Variants in PLCXD3 observed in about 807,000 individuals in gnomAD.
PLCXD3 encodes phosphatidylinositol specific phospholipase C X domain containing 3.
A neutral mutation model predicts 25.5 loss-of-function variants in PLCXD3; 19 were observed. That is an observed-to-expected ratio of 0.75 (90% confidence interval 0.52 to 1.09). The LOEUF is 1.09. PLCXD3 is among the 50% of genes least tolerant of loss of function. The pLI is 0.00. For synonymous variants in PLCXD3, 174 were observed against 137.6 expected, an observed-to-expected ratio of 1.26 and a Z score of -1.85; for missense variants, 411 against 388.1, an observed-to-expected ratio of 1.06 and a Z score of -0.50.
chr5:41,326,589 A>AT (rs1743634234), intron 2 of PLCXD3, among the ~76,000 whole-genome samples: 2 of 151,812 alleles, frequency 1.3e-5, no homozygotes, highest in Admixed American at 6.6e-5. Context: ...ATGCTTATGT[A>AT]TTTTTTTCAG....
At chr5:41,422,956 C>T (rs1178258606) in intron 1 of PLCXD3, among the ~76,000 whole-genome samples, 1 of 152,010 alleles carries the variant, frequency 6.6e-6, no homozygotes, top group Non-Finnish European at 1.5e-5. Context: ...TATACTTTAT[C>T]AGCTTAAGGA....
intron 1 of PLCXD3, among the ~76,000 whole-genome samples, chr5:41,503,008 G>A (rs627744): frequency 0.57 from 86,330 of 151,970 alleles, 26,093 homozygotes; most frequent in African/African-American, 0.8. Flanking sequence ...GGGCCAGGAC[G>A]GGTCACATAG....
intron 1 of PLCXD3, among the ~76,000 whole-genome samples, chr5:41,472,280 A>G (rs1748183012): frequency 6.6e-6 from 1 of 152,132 alleles, no homozygotes; most frequent in Non-Finnish European, 1.5e-5. Flanking sequence ...ACAGGCAGTT[A>G]ACTCTTCAAG....
chr5:41,352,725 A>C (rs1285888379), intron 2 of PLCXD3, among the ~76,000 whole-genome samples: 2 of 152,238 alleles, frequency 1.3e-5, no homozygotes, highest in Non-Finnish European at 2.9e-5. Context: ...TAACAGCTGA[A>C]AAATTCTTTG....
At chr5:41,332,873 T>C (rs1353476625) in intron 2 of PLCXD3, among the ~76,000 whole-genome samples, 1 of 151,990 alleles carries the variant, frequency 6.6e-6, no homozygotes, top group Non-Finnish European at 1.5e-5. Flanking sequence ...ATATTCTCAC[T>C]CATAGGTGGG....
intron 1 of PLCXD3, among the ~76,000 whole-genome samples, chr5:41,393,869 G>C (rs1745915021): frequency 6.6e-6 from 1 of 152,126 alleles, no homozygotes; most frequent in South Asian, 2.1e-4. Flanking sequence ...GGCAGAGCTT[G>C]CAGTGAGCCG....
chr5:41,465,353 C>CTCTTTTT (rs1747991676), intron 1 of PLCXD3, among the ~76,000 whole-genome samples: 22 of 13,212 alleles, frequency 1.7e-3, no homozygotes, highest in Non-Finnish European at 2.7e-3. Context: ...TAGTTCTTGT[C>CTCTTTTT]TTTTTTTTTT....
At chr5:41,333,975 G>C (rs2150475527) in intron 2 of PLCXD3, among the ~76,000 whole-genome samples, 1 of 152,206 alleles carries the variant, frequency 6.6e-6, no homozygotes, top group East Asian at 1.9e-4. Context: ...GCTTGATAAA[G>C]ACATCCGTTT....
At chr5:41,359,843 A>T (rs978834999) in intron 2 of PLCXD3, among the ~76,000 whole-genome samples, 1 of 152,110 alleles carries the variant, frequency 6.6e-6, no homozygotes, top group Non-Finnish European at 1.5e-5. Flanking sequence ...TGAATTTCCC[A>T]GTTGTTCTTT....
intron 1 of PLCXD3, among the ~76,000 whole-genome samples, chr5:41,419,877 A>G (rs747760288): frequency 1.4e-4 from 21 of 152,274 alleles, no homozygotes; most frequent in South Asian, 4.1e-4. Context: ...TTAAGTGCCA[A>G]ATAATTAATT....
intron 1 of PLCXD3, among the ~76,000 whole-genome samples, chr5:41,389,034 C>A (rs1745727707): frequency 6.6e-6 from 1 of 151,716 alleles, no homozygotes. Flanking sequence ...AAATATACTT[C>A]TATCACAGTT....
At chr5:41,442,746 T>A (rs149027954) in intron 1 of PLCXD3, among the ~76,000 whole-genome samples, 1 of 152,196 alleles carries the variant, frequency 6.6e-6, no homozygotes, top group South Asian at 2.1e-4. Context: ...TTTCTTTTTC[T>A]GTCTCATTAG....
chr5:41,509,172 T>G (rs1188914022), intron 1 of PLCXD3, among the ~76,000 whole-genome samples: 1 of 152,188 alleles, frequency 6.6e-6, no homozygotes, highest in Non-Finnish European at 1.5e-5. Flanking sequence ...TTTTTGTTGT[T>G]TTTTTCTTTA....
At chr5:41,505,145 C>T (rs572981001) in intron 1 of PLCXD3, among the ~76,000 whole-genome samples, 9 of 152,190 alleles carry the variant, frequency 5.9e-5, no homozygotes, top group South Asian at 2.1e-4. Context: ...AATTTTTACA[C>T]GAGTAAAGCT....
At chr5:41,396,606 G>A (rs576571968) in intron 1 of PLCXD3, among the ~76,000 whole-genome samples, 31 of 152,274 alleles carry the variant, frequency 2.0e-4, no homozygotes, top group Middle Eastern at 3.4e-3. Flanking sequence ...CTGGGTAATG[G>A]GCTGAGTTTA....
intron 1 of PLCXD3, among the ~76,000 whole-genome samples, chr5:41,417,332 T>C (rs1247132374): frequency 5.3e-5 from 8 of 152,160 alleles, no homozygotes; most frequent in Admixed American, 3.3e-4. Context: ...GATAAGGTGA[T>C]GGTGAGTGTC....
At chr5:41,374,025 C>G (rs937094980) in intron 2 of PLCXD3, among the ~76,000 whole-genome samples, 1 of 151,918 alleles carries the variant, frequency 6.6e-6, no homozygotes. Flanking sequence ...TCTGGCAGGC[C>G]CTGTGGGTAG....
At chr5:41,391,892 G>A (rs1745836436) in intron 1 of PLCXD3, among the ~76,000 whole-genome samples, 2 of 152,148 alleles carry the variant, frequency 1.3e-5, no homozygotes, top group Admixed American at 1.3e-4. Flanking sequence ...AGGCCTTAAG[G>A]GAACACCAGC....
chr5:41,490,913 G>GT (rs980690338), intron 1 of PLCXD3, among the ~76,000 whole-genome samples: 4 of 152,040 alleles, frequency 2.6e-5, no homozygotes, highest in Non-Finnish European at 2.9e-5. Flanking sequence ...TTTTTGAAGG[G>GT]TTTTTTGTGT....
Sources: allele counts gnomAD v4.1 joint callset (sites outside exome capture counted in the v4.1 genomes callset), GRCh38; gene constraint gnomAD v4.1.1; transcripts MANE v1.5; gene names NCBI Gene and HGNC (gene_info 2026-07-23, HGNC 2026-07-21).